SH3KBP1: variants seen among roughly 807,000 people sequenced by gnomAD.
SH3KBP1 encodes the protein SH3 domain-containing kinase-binding protein 1.
SH3KBP1 carries 8 observed loss-of-function variants against 50.1 expected under a neutral mutation model. The observed-to-expected ratio is 0.16, with a 90% CI of 0.09 to 0.29. The LOEUF is 0.29. SH3KBP1 is among the 10% of genes least tolerant of loss of function. The pLI, the probability that SH3KBP1 is intolerant of heterozygous loss-of-function variation, is 1.00. For missense variants in SH3KBP1, 377 were observed against 535.2 expected (o/e 0.70, Z 2.92); for synonymous variants, 227 against 218.6 (o/e 1.04, Z -0.34).
intron 9 of SH3KBP1, among the ~76,000 whole-genome samples, chrX:19,606,280 CAAGT>C (rs1021961458): frequency 8.9e-6 from 1 of 112,176 alleles, no homozygotes; most frequent in African/African-American, 3.2e-5. Context: ...GGCTATAGAA[CAAGT>C]AAGTGACAGA....
intron 2 of SH3KBP1, among the ~76,000 whole-genome samples, chrX:19,834,795 T>C (rs1409547478): frequency 2.7e-5 from 3 of 111,084 alleles, no homozygotes; most frequent in African/African-American, 6.5e-5. Context: ...TTTGGGAGGC[T>C]GAGGTGGGCG....
intron 12 of SH3KBP1, among the ~76,000 whole-genome samples, chrX:19,583,266 G>A (rs1337800572): frequency 9.3e-6 from 1 of 108,030 alleles, no homozygotes; most frequent in Non-Finnish European, 1.9e-5. Flanking sequence ...CGATTCTCCC[G>A]CCTCAGCCTC....
chrX:19,606,695 C>A (rs1277622431), intron 9 of SH3KBP1, among the ~76,000 whole-genome samples: 2 of 112,155 alleles, frequency 1.8e-5, no homozygotes, highest in Non-Finnish European at 3.8e-5. Context: ...CCAGAGAACG[C>A]TGTTAAAATG....
At chrX:19,557,703 G>A (rs1408266876) in intron 13 of SH3KBP1, among the ~76,000 whole-genome samples, 3 of 111,357 alleles carry the variant, frequency 2.7e-5, no homozygotes, top group African/African-American at 6.5e-5. Context: ...TCACTTAAAC[G>A]CTCAGCCCAT....
intron 6 of SH3KBP1, among the ~76,000 whole-genome samples, chrX:19,647,828 C>T (rs1180131531): frequency 9.0e-6 from 1 of 110,744 alleles, no homozygotes; most frequent in Non-Finnish European, 1.9e-5. Flanking sequence ...AGCAAATTCC[C>T]AGGCCCCACC....
At chrX:19,719,357 C>T (rs1314098449) in intron 3 of SH3KBP1, among the ~76,000 whole-genome samples, 1 of 111,302 alleles carries the variant, frequency 9.0e-6, no homozygotes, top group Non-Finnish European at 1.9e-5. Flanking sequence ...ACTTCAGAGT[C>T]TAATGCCTCA....
chrX:19,575,792 A>C (rs1264686451), intron 12 of SH3KBP1, among the ~76,000 whole-genome samples: 2 of 112,131 alleles, frequency 1.8e-5, no homozygotes, highest in African/African-American at 6.5e-5. Context: ...AATGCTAATG[A>C]ATTTCAGTTC....
At chrX:19,537,870 C>G (rs1262275483) in intron 16 of SH3KBP1, 90 bp from the exon 17 acceptor site, 9 of 730,708 alleles carry the variant, frequency 1.2e-5, no homozygotes, top group Non-Finnish European at 1.9e-5. Context: ...CAAAATCCAT[C>G]TGATCCTTTT....
chrX:19,665,988 G>T (rs970837779), intron 6 of SH3KBP1, among the ~76,000 whole-genome samples: 10 of 110,873 alleles, frequency 9.0e-5, no homozygotes, highest in African/African-American at 3.3e-4. Context: ...CATACTTCAG[G>T]ATATAAATAT....
At chrX:19,783,983 C>T (rs2066262529) in intron 2 of SH3KBP1, among the ~76,000 whole-genome samples, 1 of 112,017 alleles carries the variant, frequency 8.9e-6, no homozygotes, top group Admixed American at 9.5e-5. Context: ...AACCCTGCTA[C>T]TGGAAAATTC....
intron 2 of SH3KBP1, among the ~76,000 whole-genome samples, chrX:19,827,077 A>C (rs1467573954): frequency 1.8e-5 from 2 of 111,716 alleles, no homozygotes; most frequent in Non-Finnish European, 3.8e-5. Context: ...TTCACCAACC[A>C]CTTTAAACAA....
chrX:19,881,781 G>A (rs775798509), intron 1 of SH3KBP1, among the ~76,000 whole-genome samples: 4 of 111,865 alleles, frequency 3.6e-5, no homozygotes, highest in Non-Finnish European at 5.6e-5. Context: ...GTGGACAGGG[G>A]TGGAAGAAAA....
Position 19,695,717 on chromosome X carries a change from C to A in SH3KBP1, c.415G>T (p.Val139Phe). 1 of 1,209,786 alleles carries A rather than the reference C, an allele frequency of 8.3e-7. No individual in the cohort carries two copies. The highest frequency in any genetic ancestry group is 3.0e-5 in the East Asian group (1 of 33,806). Reference protein sequence around the residue: ...GEVEEGWWEGVLNGKTGMFPS... With the variant: ...GEVEEGWWEGFLNGKTGMFPS... ...AACATTCCAGTCTTCCCGTTGAGAACACCTTCCCACCATCCTTCCTCTACC... is the reference window on the plus strand; with the variant it reads ...AACATTCCAGTCTTCCCGTTGAGAAAACCTTCCCACCATCCTTCCTCTACC... The change falls in exon 5 of 18, where the codon GTT becomes TTT. Residue 139 changes from valine to phenylalanine, a missense_variant. This residue lies in a region of SH3KBP1 where 257 missense variants were observed against 374.2 expected (regional missense o/e 0.69). Transcript: ENST00000397821.
At chrX:19,882,423 G>A (rs1022544601) in intron 1 of SH3KBP1, among the ~76,000 whole-genome samples, 1 of 111,426 alleles carries the variant, frequency 9.0e-6, no homozygotes, top group African/African-American at 3.3e-5. Flanking sequence ...TGGAAAAGAG[G>A]GGCAGAAGAG....
At chrX:19,858,322 C>CA (rs938385232) in intron 1 of SH3KBP1, among the ~76,000 whole-genome samples, 3 of 111,069 alleles carry the variant, frequency 2.7e-5, no homozygotes, top group Non-Finnish European at 5.7e-5. Context: ...CCGTGCTTCA[C>CA]AAAAAAAATA....
chrX:19,540,722 C>G (rs1221233347), intron 16 of SH3KBP1, among the ~76,000 whole-genome samples: 1 of 111,540 alleles, frequency 9.0e-6, no homozygotes, highest in Non-Finnish European at 1.9e-5. Flanking sequence ...GTTGACCTCA[C>G]CAGGCTGCCC....
intron 6 of SH3KBP1, chrX:19,683,215 C>A: frequency 3.2e-6 from 1 of 316,898 alleles, no homozygotes; most frequent in South Asian, 2.8e-5. Flanking sequence ...TACTCAGCAG[C>A]AACATGCTGC....
Position 19,623,015 on chromosome X carries a change from C to T in SH3KBP1, c.897+8849G>A, listed in dbSNP as rs371051846. On this transcript the variant is annotated intron_variant, in intron 8 of 17. Coordinates refer to ENST00000397821, the MANE Select transcript of SH3KBP1 (RefSeq NM_031892.3). ...CCGAGATCATGCCACTGCACTCAAG[C>T]CTGGGCAAAAGAGTGACACTCTGAC... is the stretch of plus-strand genomic sequence containing the variant. Among the ~76,000 whole-genome samples, 21 of 97,516 alleles carry T rather than the reference C, an allele frequency of 2.2e-4. 1 individual carries two copies. The East Asian group carries it at 5.3e-3, about 25-fold the overall frequency. The allele number at this position is 97,516 out of a possible 115,157, so 84.7% of individuals were successfully genotyped here. A position where few individuals can be genotyped will look rare whatever the true frequency, so the allele number is the denominator to read the frequency against.
At chrX:19,716,030 G>C (rs1179735111) in intron 3 of SH3KBP1, among the ~76,000 whole-genome samples, 2 of 112,088 alleles carry the variant, frequency 1.8e-5, no homozygotes, top group East Asian at 5.5e-4. Context: ...AAGAAGCCAT[G>C]TTTTCTATCT....
Sources: gnomAD v4.1 joint callset for allele counts (sites outside exome capture counted in the v4.1 genomes callset) on GRCh38, gnomAD v4.1.1 for gene constraint, gnomAD v4.1.1 regional missense constraint, MANE v1.5 for transcripts, NCBI Gene and HGNC (gene_info 2026-07-23, HGNC 2026-07-21) for gene names.